The following AKR1A1 variants were observed in gnomAD, a reference collection of about 807,000 sequenced individuals.
AKR1A1 encodes the protein aldo-keto reductase family 1 member A1.
Under a neutral mutation model 39.2 loss-of-function variants are expected in AKR1A1, and 26 were observed. That is an observed-to-expected ratio of 0.66 (90% CI 0.49 to 0.92). The LOEUF (loss-of-function observed/expected upper bound fraction) is 0.92. AKR1A1 is among the 40% of genes least tolerant of loss of function. The pLI, the probability that AKR1A1 is intolerant of heterozygous loss-of-function variation, is 0.00. For synonymous variants in AKR1A1, 141 were observed against 155.5 expected (o/e 0.91, Z 0.69); for missense variants, 378 against 406.5 (o/e 0.93, Z 0.60).
intron 1 of AKR1A1, among the ~76,000 whole-genome samples, chr1:45,560,776 G>A (rs1397201995): frequency 6.8e-6 from 1 of 147,300 alleles, no homozygotes; most frequent in Non-Finnish European, 1.5e-5. Flanking sequence ...TGCCCAGGCT[G>A]GAGTGCAGTG....
intron 6 of AKR1A1, 103 bp downstream of exon 6, chr1:45,568,787 T>G: frequency 6.5e-7 from 1 of 1,542,510 alleles, no homozygotes; most frequent in Non-Finnish European, 8.9e-7. Flanking sequence ...CCTTGTGATC[T>G]GGAGGGAGGC....
intron 4 of AKR1A1, 33 bp downstream of exon 4, chr1:45,567,053 A>T: frequency 1.2e-6 from 2 of 1,608,204 alleles, no homozygotes; most frequent in Non-Finnish European, 1.7e-6. Context: ...CTGGGGAATC[A>T]GGGGGTTGAG....
At position 45,568,556 on chromosome 1, in the gene AKR1A1, T is replaced by C; in HGVS notation, c.624T>C (p.Thr208=). ...GCCAAGCACGTGGCCTGGAGGTAACTGCTTATAGCCCTTTGGGCTCCTCTG... is the reference window on the plus strand; with the variant it reads ...GCCAAGCACGTGGCCTGGAGGTAACCGCTTATAGCCCTTTGGGCTCCTCTG... The part of the protein sequence containing the change: ...AHCQARGLEV[T]AYSPLGSSDR... The change falls in exon 6 of 9, where the codon ACT becomes ACC. Residue 208 remains threonine (T), a synonymous_variant. Coordinates refer to ENST00000351829, the MANE Select transcript of AKR1A1 (RefSeq NM_153326.3). The C allele has an allele frequency of 6.2e-7, 1 of 1,614,000 alleles. No individual in the cohort carries two copies. The highest frequency in any genetic ancestry group is 1.3e-5 in the African/African-American group (1 of 75,052).
At chr1:45,565,187 A>G (rs796336761) in intron 2 of AKR1A1, among the ~76,000 whole-genome samples, 27 of 126,758 alleles carry the variant, frequency 2.1e-4, no homozygotes, top group African/African-American at 7.8e-4. Context: ...CTGGAGTGCA[A>G]TGGCATGATC....
rs67386168 is a variant in AKR1A1 at position 45,557,912 on chromosome 1, C to CTTTTTTTTTT, written c.-6-3871_-6-3862dup. On this transcript the variant is annotated intron_variant, in intron 1 of 8. Transcript: ENST00000351829. The stretch of plus-strand genomic sequence containing the variant: ...TGTACTGGCTTTACTCACAACTTGT[C>CTTTTTTTTTT]TTTTTTTTTTTTTTTGAGATGGAGC... 3.6e-3 allele frequency among the ~76,000 whole-genome samples: 403 copies of CTTTTTTTTTT among 112,180 alleles called. 52 individuals carry two copies. The highest frequency in any genetic ancestry group is 0.012 in the African/African-American group (345 of 28,224). The allele number at this position is 112,180 out of a possible 152,430, so 73.6% of individuals were successfully genotyped here.
intron 1 of AKR1A1, among the ~76,000 whole-genome samples, chr1:45,553,888 G>A (rs925720887): frequency 1.3e-5 from 2 of 152,048 alleles, no homozygotes; most frequent in African/African-American, 2.4e-5. Flanking sequence ...CCAGCTACTC[G>A]GGAGGCTGAG....
At chr1:45,551,250 G>A (rs1644127007) in intron 1 of AKR1A1, 95 bp downstream of exon 1, 1 of 152,290 alleles carries the variant, frequency 6.6e-6, no homozygotes, top group Admixed American at 6.5e-5. Flanking sequence ...TGAGTGGAGA[G>A]CGCAGAGCAC....
At chr1:45,568,248 C>G in intron 5 of AKR1A1, 71 bp downstream of exon 5, 1 of 1,500,762 alleles carries the variant, frequency 6.7e-7, no homozygotes, top group East Asian at 2.4e-5. Context: ...GACGATGGAT[C>G]TGCTTAAGGG....
At chr1:45,569,818 T>C (rs1644391512) in intron 8 of AKR1A1, 73 bp from the exon 9 acceptor site, 1 of 1,375,196 alleles carries the variant, frequency 7.3e-7, no homozygotes, top group East Asian at 2.3e-5. Context: ...TTAGGAAGAT[T>C]TGGGGAAGAT....
chr1:45,568,941 G>A lies in AKR1A1; in HGVS notation c.767G>A (p.Arg256Gln), dbSNP rs957611369. The A allele has an allele frequency of 3.7e-6, 6 of 1,614,032 alleles. No individual in the cohort carries two copies. The highest frequency in any genetic ancestry group is 2.2e-5 in the East Asian group (1 of 44,898). The change falls in exon 7 of 9, where the codon CGG becomes CAG. Residue 256 changes from arginine to glutamine, a missense_variant. Physicochemically the swap from Arg to Gln is conservative, Grantham distance 43. Coordinates refer to ENST00000351829, the MANE Select transcript of AKR1A1 (RefSeq NM_153326.3). The part of the protein sequence containing the change: ...AQILLRWQVQ[R>Q]KVICIPKSIT... ...CCCCAACTTAGGTGGCAGGTCCAGC[G>A]GAAAGTGATCTGCATCCCCAAAAGT...
rs767247574 is a variant in AKR1A1, at chr1:45,569,993, C to G, written c.*37C>G. 6.3e-7 allele frequency: 1 copy of G among 1,575,930 alleles called. No homozygotes were observed. Among genetic ancestry groups the G allele is most frequent in the Non-Finnish European group, 8.7e-7 (1 of 1,145,350 alleles). ...CTTGGCCTCCCTTCCAGCTCTGCAG[C>G]TAATGAGGTCCTGCCACAACGGAAA... On this transcript the variant is annotated 3_prime_UTR_variant, in exon 9 of 9. Transcript: ENST00000351829.
intron 2 of AKR1A1, 72 bp from the exon 3 acceptor site, chr1:45,566,497 T>C (rs766753443): frequency 1.3e-4 from 205 of 1,590,260 alleles, no homozygotes; most frequent in Non-Finnish European, 1.6e-4. Flanking sequence ...TCCCCCAGCA[T>C]TGACCTTGGG....
chr1:45,561,965 G>A (rs1004708034), intron 2 of AKR1A1, 87 bp downstream of exon 2: 30 of 1,324,654 alleles, frequency 2.3e-5, no homozygotes, highest in Admixed American at 1.1e-4. Flanking sequence ...CCCTTCCAGC[G>A]GGGATGAGCC....
In AKR1A1 at chr1:45,566,150, C is replaced by T. The variant is rs558662442; in HGVS notation, c.85-419C>T. Among the ~76,000 whole-genome samples, 18 of 151,878 alleles carry T rather than the reference C, an allele frequency of 1.2e-4. No individual in the cohort carries two copies. The East Asian group carries it at 2.9e-3, about 25-fold the overall frequency. On this transcript the variant is annotated intron_variant, in intron 2 of 8. Coordinates refer to ENST00000351829, the MANE Select transcript of AKR1A1 (RefSeq NM_153326.3). Reference sequence around the variant, plus strand: ...TGAGATGGAGTTTCGCTCTTGTTGCCGAGGCTGAAGTGCAGTGGCACAATC... The same window carrying T: ...TGAGATGGAGTTTCGCTCTTGTTGCTGAGGCTGAAGTGCAGTGGCACAATC...
At chr1:45,565,149 A>G in intron 2 of AKR1A1, among the ~76,000 whole-genome samples, 19 of 46,136 alleles carry the variant, frequency 4.1e-4, no homozygotes, top group East Asian at 7.9e-4. Context: ...TTTTTTTTTG[A>G]GAAGGAGTTT....
chr1:45,552,984 G>T (rs941782062), intron 1 of AKR1A1, among the ~76,000 whole-genome samples: 1 of 152,076 alleles, frequency 6.6e-6, no homozygotes, highest in Non-Finnish European at 1.5e-5. Flanking sequence ...AAGTAGCTGG[G>T]TGTGGTGGCA....
chr1:45,569,657 T>C (rs1285705399), intron 8 of AKR1A1, among the ~76,000 whole-genome samples: 1 of 152,166 alleles, frequency 6.6e-6, no homozygotes, highest in East Asian at 1.9e-4. Context: ...CCTCTTGATC[T>C]CAGTTCAGAC....
In AKR1A1 at chr1:45,570,008, C is replaced by T. The variant is rs763358054; in HGVS notation, c.*52C>T. On this transcript the variant is annotated 3_prime_UTR_variant, in exon 9 of 9. Transcript: ENST00000351829. ...AGCTCTGCAGCTAATGAGGTCCTGC[C>T]ACAACGGAAAGAGGGAGTTAATAAA... 11 of 1,538,336 alleles carry T rather than the reference C, an allele frequency of 7.2e-6. No individual in the cohort carries two copies. Among genetic ancestry groups the T allele is most frequent in the South Asian group, 1.1e-5 (1 of 89,486 alleles).
chr1:45,568,098 C>G lies in AKR1A1; in HGVS notation c.473C>G (p.Ala158Gly). The G allele has an allele frequency of 6.2e-7, 1 of 1,614,060 alleles. No individual in the cohort carries two copies. Among genetic ancestry groups the G allele is most frequent in the South Asian group, 1.1e-5 (1 of 91,078 alleles). The part of the protein sequence containing the change: ...EALVAKGLVQ[A>G]LGLSNFNSRQ... ...CTGGTGGCTAAGGGGCTGGTGCAGG[C>G]GCTGGGCCTGTCCAACTTCAACAGT... is the stretch of plus-strand genomic sequence containing the variant. The change falls in exon 5 of 9, where the codon GCG becomes GGG. Residue 158 changes from alanine to glycine, a missense_variant. By Grantham distance (60) the Ala-to-Gly change is moderately conservative. Transcript: ENST00000351829.
Sources: allele counts gnomAD v4.1 joint callset (sites outside exome capture counted in the v4.1 genomes callset), GRCh38; gene constraint gnomAD v4.1.1; transcripts MANE v1.5; gene names NCBI Gene and HGNC (gene_info 2026-07-23, HGNC 2026-07-21).